ADGRV1: variants seen among roughly 807,000 people sequenced by gnomAD.
ADGRV1 encodes G-protein coupled receptor 98.
A neutral mutation model predicts 596.2 loss-of-function variants in ADGRV1; 359 were observed. The observed-to-expected ratio is 0.60, with a 90% CI of 0.55 to 0.66. ADGRV1 has a LOEUF of 0.66. ADGRV1 is among the 30% of genes least tolerant of loss of function. The probability of loss-of-function intolerance (pLI) is 0.00; values close to 1 mark genes in which losing one functional copy is unlikely to be tolerated. For missense variants in ADGRV1, 7,274 were observed against 7,575.6 expected (o/e 0.96, Z 1.48); for synonymous variants, 2,681 against 2,679.2 (o/e 1.00, Z -0.02).
intron 89 of ADGRV1, among the ~76,000 whole-genome samples, chr5:91,158,899 G>GGATGGATA (rs1796709898): frequency 7.3e-6 from 1 of 137,270 alleles, no homozygotes; most frequent in East Asian, 2.2e-4. Flanking sequence ...ATGGATGGAT[G>GGATGGATA]GATAGATGCA....
chr5:90,619,559 T>C (rs1375073573), intron 4 of ADGRV1, among the ~76,000 whole-genome samples: 1 of 152,184 alleles, frequency 6.6e-6, no homozygotes. Flanking sequence ...TTGGAGTTAA[T>C]GGGAGATGAG....
At chr5:91,102,145 G>A (rs924089386) in intron 86 of ADGRV1, 74 bp from the exon 87 acceptor site, 2 of 1,426,354 alleles carry the variant, frequency 1.4e-6, no homozygotes, top group African/African-American at 1.4e-5. Flanking sequence ...ACAGAAAGAA[G>A]CCAAAAATAA....
chr5:90,986,090 T>C (rs1304007285), intron 85 of ADGRV1, among the ~76,000 whole-genome samples: 2 of 14,590 alleles, frequency 1.4e-4, no homozygotes. Context: ...ATATGCATAA[T>C]ATATATATAT....
chr5:90,896,267 GTT>G (rs547252109), intron 83 of ADGRV1, among the ~76,000 whole-genome samples: 218 of 84,840 alleles, frequency 2.6e-3, no homozygotes, highest in African/African-American at 0.01. Context: ...GTGACCAGTG[GTT>G]TTTTTTTTTT....
rs983279520 is a variant in ADGRV1 at position 90,684,055 on chromosome 5, G to A, written c.6134G>A (p.Gly2045Glu). The change falls in exon 28 of 90, where the codon GGA becomes GAA. Residue 2045 changes from glycine to glutamate, a missense_variant. This residue lies in a region of ADGRV1 where 3,643 missense variants were observed against 3,809.2 expected (regional missense o/e 0.96). Transcript: ENST00000405460. ...GGAAGAGACTATATACCAGCTTCTG[G>A]ATTTGCTCTTTTTGGAGCTAATCAG... ...TQGRDYIPAS[G>E]FALFGANQSE... is the part of the protein sequence containing the mutation. 1.9e-6 allele frequency: 3 copies of A among 1,613,868 alleles called. No individual in the cohort carries two copies. Among genetic ancestry groups the A allele is most frequent in the Non-Finnish European group, 8.5e-7 (1 of 1,179,870 alleles).
At chr5:90,660,037 A>G (rs1484840831) in intron 21 of ADGRV1, among the ~76,000 whole-genome samples, 2 of 152,096 alleles carry the variant, frequency 1.3e-5, no homozygotes, top group Admixed American at 6.5e-5. Flanking sequence ...TCAGAGAAAA[A>G]AAAAAAGAAA....
intron 9 of ADGRV1, among the ~76,000 whole-genome samples, chr5:90,633,358 CTT>C (rs36120829): frequency 0.18 from 27,488 of 150,684 alleles, 2,660 homozygotes; most frequent in East Asian, 0.41. Context: ...GGAAATATGA[CTT>C]ATATATTTCT....
chr5:90,810,131 G>A, intron 73 of ADGRV1, 102 bp from the exon 74 acceptor site: 1 of 918,742 alleles, frequency 1.1e-6, no homozygotes, highest in Non-Finnish European at 1.6e-6. Context: ...TTAAGTTGCT[G>A]CCCTCATGAG....
intron 86 of ADGRV1, among the ~76,000 whole-genome samples, chr5:91,086,801 C>G (rs1297972337): frequency 3.9e-5 from 6 of 152,204 alleles, no homozygotes; most frequent in Non-Finnish European, 1.5e-5. Flanking sequence ...CTAGCATTCT[C>G]TCCACCAACC....
chr5:90,575,853 C>T (rs972154778), intron 1 of ADGRV1, among the ~76,000 whole-genome samples: 5 of 152,118 alleles, frequency 3.3e-5, no homozygotes, highest in African/African-American at 9.7e-5. Context: ...TCTCCAGGGT[C>T]GCAGTGCTGC....
At chr5:90,710,165 C>T (rs934869840) in intron 39 of ADGRV1, among the ~76,000 whole-genome samples, 2 of 152,148 alleles carry the variant, frequency 1.3e-5, no homozygotes, top group Non-Finnish European at 2.9e-5. Context: ...TACCCTTTCC[C>T]CATCCAGGCA....
At chr5:90,797,287 C>CAAAAAAAAAAA (rs780696194) in intron 70 of ADGRV1, among the ~76,000 whole-genome samples, 317 of 26,240 alleles carry the variant, frequency 0.012, 1 homozygote, top group Middle Eastern at 0.042. Flanking sequence ...AAATGAAAAG[C>CAAAAAAAAAAA]AAAAAAAAAA....
At chr5:90,696,601 T>C (rs532379844) in intron 33 of ADGRV1, among the ~76,000 whole-genome samples, 8 of 152,140 alleles carry the variant, frequency 5.3e-5, no homozygotes, top group Non-Finnish European at 1.2e-4. Flanking sequence ...AGGATATCTT[T>C]GGAGCTCTTT....
rs5869513 is a variant in ADGRV1, at chr5:90,662,187, C to CTTTTTTTTTTTTTTTTTTTTTTTT, written c.4752+3929_4752+3930insTTTTTTTTTTTTTTTTTTTTTTTT. ...TGTTTAATCATTTTTGGTTAAACAA[C>CTTTTTTTTTTTTTTTTTTTTTTTT]TTTTTTTTTTTTTTTTTTTTGAGAC... is the stretch of plus-strand genomic sequence containing the variant. On this transcript the variant is annotated intron_variant, in intron 21 of 89. Coordinates refer to ENST00000405460, the MANE Select transcript of ADGRV1 (RefSeq NM_032119.4). Among the ~76,000 whole-genome samples the CTTTTTTTTTTTTTTTTTTTTTTTT allele has an allele frequency of 1.5e-5, 2 of 130,868 alleles. 1 individual carries two copies. The highest frequency in any genetic ancestry group is 5.8e-5 in the African/African-American group (2 of 34,236). The allele number at this position is 130,868 out of a possible 152,430, so 85.9% of individuals were successfully genotyped here.
intron 86 of ADGRV1, among the ~76,000 whole-genome samples, chr5:91,094,945 T>C (rs985078283): frequency 1.3e-5 from 2 of 152,196 alleles, no homozygotes; most frequent in African/African-American, 4.8e-5. Flanking sequence ...ACCTGGCACA[T>C]AATAAGTGTT....
chr5:91,149,996 T>C (rs1004073558), intron 87 of ADGRV1, 34 bp from the exon 88 acceptor site: 6 of 1,388,872 alleles, frequency 4.3e-6, no homozygotes, highest in Non-Finnish European at 5.7e-6. Context: ...TCTTTTTCTT[T>C]TTCTTTTCTT....
intron 75 of ADGRV1, among the ~76,000 whole-genome samples, chr5:90,817,873 C>G (rs1270514206): frequency 6.6e-6 from 1 of 152,136 alleles, no homozygotes; most frequent in African/African-American, 2.4e-5. Flanking sequence ...GTTCTTTTGG[C>G]TTAGGATTGC....
intron 1 of ADGRV1, among the ~76,000 whole-genome samples, chr5:90,593,919 T>A (rs1759882764): frequency 6.6e-6 from 1 of 151,650 alleles, no homozygotes; most frequent in Non-Finnish European, 1.5e-5. Flanking sequence ...TAAAATAAAC[T>A]TCTTATGTTT....
chr5:90,781,272 AAG>A (rs1425380854), intron 64 of ADGRV1, 156 bp from the exon 65 acceptor site: 7 of 686,030 alleles, frequency 1.0e-5, no homozygotes, highest in East Asian at 2.8e-5. Flanking sequence ...TTTCAGGAAA[AAG>A]AGAATATTTT....
Sources: gnomAD v4.1 joint callset for allele counts (sites outside exome capture counted in the v4.1 genomes callset) on GRCh38, gnomAD v4.1.1 for gene constraint, gnomAD v4.1.1 regional missense constraint, MANE v1.5 for transcripts, NCBI Gene and HGNC (gene_info 2026-07-23, HGNC 2026-07-21) for gene names.